Variants in PTBP2 observed in about 807,000 individuals in gnomAD.
PTBP2 encodes polypyrimidine tract binding protein 2.
Under a neutral mutation model 61.4 loss-of-function variants are expected in PTBP2, and 13 were observed. That is an observed-to-expected ratio of 0.21 (90% CI 0.14 to 0.34). PTBP2 has a LOEUF of 0.34. PTBP2 is among the 10% of genes least tolerant of loss of function. PTBP2 has a pLI of 1.00. For missense variants in PTBP2, 405 were observed against 642.6 expected (o/e 0.63, Z 4.00); for synonymous variants, 215 against 218.5 (o/e 0.98, Z 0.14).
At chr1:96,757,284 A>G (rs1029484386) in intron 3 of PTBP2, among the ~76,000 whole-genome samples, 4 of 152,190 alleles carry the variant, frequency 2.6e-5, no homozygotes, top group Non-Finnish European at 5.9e-5. Flanking sequence ...TTCCGTGCAA[A>G]CAGTAAGCAC....
chr1:96,804,562 A>T (rs1486478272), intron 8 of PTBP2, among the ~76,000 whole-genome samples: 1 of 152,144 alleles, frequency 6.6e-6, no homozygotes, highest in Non-Finnish European at 1.5e-5. Context: ...ATATTTTAAC[A>T]TAATACAGGT....
At chr1:96,750,413 T>C (rs1388675272) in intron 2 of PTBP2, among the ~76,000 whole-genome samples, 1 of 151,912 alleles carries the variant, frequency 6.6e-6, no homozygotes, top group Non-Finnish European at 1.5e-5. Flanking sequence ...TCTTTGTGCA[T>C]TTGATGCTAA....
At chr1:96,771,053 C>A (rs755782984) in intron 5 of PTBP2, 8 of 402,852 alleles carry the variant, frequency 2.0e-5, no homozygotes, top group South Asian at 4.7e-5. Flanking sequence ...GTCAAATGTT[C>A]TTTTTCTTGT....
At chr1:96,748,042 G>T (rs916433432) in intron 2 of PTBP2, among the ~76,000 whole-genome samples, 1 of 151,948 alleles carries the variant, frequency 6.6e-6, no homozygotes, top group Non-Finnish European at 1.5e-5. Context: ...TGGCACCTCT[G>T]TTTAAGGAGA....
chr1:96,786,973 T>C (rs1442115612), intron 8 of PTBP2, among the ~76,000 whole-genome samples: 2 of 152,166 alleles, frequency 1.3e-5, no homozygotes, highest in Non-Finnish European at 2.9e-5. Context: ...TATCACCATT[T>C]TTCTTGTGAT....
intron 3 of PTBP2, among the ~76,000 whole-genome samples, chr1:96,754,199 G>A (rs1412909093): frequency 6.6e-6 from 1 of 152,028 alleles, no homozygotes; most frequent in East Asian, 1.9e-4. Context: ...TATTAAAGGG[G>A]GAAAAAAAGC....
intron 5 of PTBP2, among the ~76,000 whole-genome samples, chr1:96,775,109 T>A (rs1168145624): frequency 6.6e-6 from 1 of 151,888 alleles, no homozygotes; most frequent in Non-Finnish European, 1.5e-5. Flanking sequence ...AAGCAAAGAG[T>A]AGATTAGGTT....
chr1:96,822,565 A>T (rs1662715785), exon 14 of PTBP2: 1 of 152,232 alleles, frequency 6.6e-6, no homozygotes, highest in Middle Eastern at 3.2e-3. Context: ...TATGTTCATT[A>T]AAATATCCCT....
At chr1:96,794,084 A>G (rs1376983252) in intron 8 of PTBP2, among the ~76,000 whole-genome samples, 1 of 152,158 alleles carries the variant, frequency 6.6e-6, no homozygotes, top group Non-Finnish European at 1.5e-5. Flanking sequence ...TACCCATTAT[A>G]TTGTTCTCAG....
intron 11 of PTBP2, among the ~76,000 whole-genome samples, chr1:96,808,177 CTG>C (rs1342525143): frequency 1.3e-5 from 2 of 150,854 alleles, no homozygotes; most frequent in African/African-American, 2.5e-5. Context: ...TATGTAAAGA[CTG>C]TTTTATGTAA....
intron 5 of PTBP2, chr1:96,771,365 CCTACA>C (rs1445195097): frequency 6.6e-6 from 1 of 152,170 alleles, no homozygotes; most frequent in Non-Finnish European, 1.5e-5. Flanking sequence ...TGTTTTCCGA[CCTACA>C]TTATAAGACT....
chr1:96,799,294 CTTTTT>C (rs373815292), intron 8 of PTBP2, among the ~76,000 whole-genome samples: 4 of 92,166 alleles, frequency 4.3e-5, no homozygotes, highest in South Asian at 3.7e-4. Context: ...ATAGATCAAG[CTTTTT>C]TTTTTTTTTT....
At chr1:96,817,112 A>G (rs891544377), downstream of PTBP2, 1 of 152,152 alleles carries the variant, frequency 6.6e-6, no homozygotes, top group Non-Finnish European at 1.5e-5. Flanking sequence ...TAAAATGCAC[A>G]TATTTAATTA....
Position 96,821,509 on chromosome 1 carries a change from A to G in PTBP2, c.*8104A>G, listed in dbSNP as rs191247191. On this transcript the variant is annotated 3_prime_UTR_variant, in exon 14 of 14. Coordinates refer to the PTBP2 transcript ENST00000609116. ...AAAATAGCTCCTAAAAATATGGATT[A>G]CTATCAACTTTCAAGGAAAATAGCT... The G allele has an allele frequency of 9.9e-5, 15 of 152,230 alleles. No homozygotes were observed. The East Asian group carries it at 1.5e-3, about 16-fold the overall frequency. The allele number at this position is 152,230 out of a possible 1,614,324, so 9.4% of individuals were successfully genotyped here.
intron 10 of PTBP2, 59 bp from the exon 11 acceptor site, chr1:96,806,807 G>A (rs1340136846): frequency 1.6e-6 from 2 of 1,249,462 alleles, no homozygotes; most frequent in African/African-American, 1.5e-5. Context: ...TAATCTTTAG[G>A]TGACTTCCAC....
At chr1:96,784,126 G>A (rs538168851) in intron 7 of PTBP2, among the ~76,000 whole-genome samples, 3 of 152,182 alleles carry the variant, frequency 2.0e-5, no homozygotes, top group South Asian at 4.1e-4. Context: ...CTAATGAAAA[G>A]TTAACAGTAT....
At chr1:96,767,172 T>G (rs972334045) in intron 3 of PTBP2, among the ~76,000 whole-genome samples, 15 of 152,176 alleles carry the variant, frequency 9.9e-5, no homozygotes, top group African/African-American at 3.6e-4. Context: ...CTACGTTCTT[T>G]CTGTGTTATT....
At chr1:96,738,229 G>A in intron 2 of PTBP2, among the ~76,000 whole-genome samples, 1 of 134,618 alleles carries the variant, frequency 7.4e-6, no homozygotes, top group South Asian at 2.6e-4. Context: ...TTATAAAAAG[G>A]AGTGGTATAT....
At position 96,780,154 on chromosome 1, in the gene PTBP2, C is replaced by T. The variant is rs961689567; in HGVS notation, c.708+2208C>T. Among the ~76,000 whole-genome samples, 8 of 152,024 alleles carry T rather than the reference C, an allele frequency of 5.3e-5. No individual in the cohort carries two copies. In the East Asian group the frequency reaches 1.3e-3, roughly 26 times the overall value. ...ATAAAAGGCATAGATGTTTAGTTAT[C>T]TAAGACCAATAAACACCAAAGCCTA... On this transcript the variant is annotated intron_variant, in intron 7 of 13. Coordinates refer to ENST00000674951, the MANE Select transcript of PTBP2 (RefSeq NM_021190.4).
Sources: allele counts gnomAD v4.1 joint callset (sites outside exome capture counted in the v4.1 genomes callset), GRCh38; gene constraint gnomAD v4.1.1; transcripts MANE v1.5; gene names NCBI Gene and HGNC (gene_info 2026-07-23, HGNC 2026-07-21).